The following ROCK1 variants were observed in gnomAD, a reference collection of about 807,000 sequenced individuals.
The protein encoded by ROCK1 is Rho associated coiled-coil containing protein kinase 1.
Under a neutral mutation model 196.8 loss-of-function variants are expected in ROCK1, and 36 were observed. The ratio of observed to expected loss-of-function variants is 0.18; its 90% CI spans 0.14 to 0.24. The LOEUF is 0.24. Among genes scored for constraint, ROCK1 ranks in the 10% least tolerant of loss-of-function variants. The probability of loss-of-function intolerance (pLI) is 1.00; values close to 1 mark genes in which losing one functional copy is unlikely to be tolerated. For synonymous variants in ROCK1, 443 were observed against 515.9 expected, an observed-to-expected ratio of 0.86 and a Z score of 1.91; for missense variants, 920 against 1,562.0, an observed-to-expected ratio of 0.59 and a Z score of 6.93.
intron 1 of ROCK1, among the ~76,000 whole-genome samples, chr18:21,080,624 G>C (rs2036475189): frequency 1.3e-5 from 2 of 151,952 alleles, no homozygotes; most frequent in African/African-American, 4.8e-5. Context: ...CAAGTCCAAA[G>C]ACAAATGGTT....
At position 20,969,194 on chromosome 18, in the gene ROCK1, G is replaced by A; in HGVS notation, c.2835C>T (p.Asn945=). 6.2e-7 allele frequency: 1 copy of A among 1,600,790 alleles called. No individual in the cohort carries two copies. Among genetic ancestry groups the A allele is most frequent in the Non-Finnish European group, 8.5e-7 (1 of 1,176,440 alleles). The change falls in exon 24 of 33, where the codon AAC becomes AAT. Residue 945 remains asparagine (N), a synonymous_variant. Transcript: ENST00000399799. ...TTTCAATATCTTTGGTTAGCATGCT[G>A]TTTGCTTCTTCAAGCTAAACAAAGC... ...DHTVSRLEEA[N]SMLTKDIEIL... is the part of the protein sequence containing the mutation.
intron 10 of ROCK1, among the ~76,000 whole-genome samples, chr18:21,026,659 G>T (rs1357291586): frequency 2.0e-5 from 3 of 151,950 alleles, no homozygotes; most frequent in African/African-American, 7.3e-5. Context: ...CAAAAAGCCG[G>T]ACTAAATTGT....
intron 2 of ROCK1, among the ~76,000 whole-genome samples, chr18:21,053,810 C>T (rs2036224426): frequency 6.6e-6 from 1 of 152,080 alleles, no homozygotes; most frequent in South Asian, 2.1e-4. Context: ...GCACTCCTGC[C>T]TGTGTGACAG....
chr18:21,047,591 A>C (rs1427735904), intron 4 of ROCK1, among the ~76,000 whole-genome samples: 1 of 152,144 alleles, frequency 6.6e-6, no homozygotes, highest in Non-Finnish European at 1.5e-5. Flanking sequence ...CAGGAGATCG[A>C]GACCATGCTG....
chr18:21,057,476 A>T (rs1292543484), intron 2 of ROCK1, among the ~76,000 whole-genome samples: 1 of 152,176 alleles, frequency 6.6e-6, no homozygotes, highest in Non-Finnish European at 1.5e-5. Flanking sequence ...ATCATATATA[A>T]ACTCTTCAAT....
intron 1 of ROCK1, among the ~76,000 whole-genome samples, chr18:21,072,457 TGCAG>T (rs1281411239): frequency 6.6e-6 from 1 of 152,202 alleles, no homozygotes; most frequent in African/African-American, 2.4e-5. Context: ...TCCATTTTAA[TGCAG>T]TGGAAAAGCT....
intron 22 of ROCK1, among the ~76,000 whole-genome samples, chr18:20,979,686 T>G (rs1365230539): frequency 6.6e-6 from 1 of 152,154 alleles, no homozygotes; most frequent in Non-Finnish European, 1.5e-5. Context: ...AACCAACTTT[T>G]TGTCAGTTTA....
At chr18:21,048,120 A>T (rs2036176429) in intron 4 of ROCK1, among the ~76,000 whole-genome samples, 1 of 152,136 alleles carries the variant, frequency 6.6e-6, no homozygotes, top group South Asian at 2.1e-4. Context: ...GAACATAACC[A>T]ATCAAAGACA....
chr18:20,956,546 A>T (rs1257742615), intron 29 of ROCK1, among the ~76,000 whole-genome samples: 1 of 152,232 alleles, frequency 6.6e-6, no homozygotes, highest in Non-Finnish European at 1.5e-5. Context: ...TTAAGTGCAA[A>T]GCAAGATTAA....
intron 16 of ROCK1, among the ~76,000 whole-genome samples, chr18:20,994,830 A>C (rs1305438954): frequency 6.6e-6 from 1 of 152,238 alleles, no homozygotes; most frequent in African/African-American, 2.4e-5. Context: ...ACACGAAAGC[A>C]AAGAAGCTTT....
chr18:21,031,856 TTCAACAGCAGATC>T (rs1658611196), intron 9 of ROCK1, among the ~76,000 whole-genome samples: 1 of 151,998 alleles, frequency 6.6e-6, no homozygotes, highest in Non-Finnish European at 1.5e-5. Flanking sequence ...ACTAGAAGGC[TTCAACAGCAGATC>T]TGAACAGGCA....
chr18:21,086,111 ATTTT>A (rs34919797), intron 1 of ROCK1, among the ~76,000 whole-genome samples: 3 of 111,140 alleles, frequency 2.7e-5, no homozygotes, highest in African/African-American at 3.4e-5. Context: ...TATGGAAATA[ATTTT>A]TTTTTTTTTT....
chr18:20,984,396 A>G lies in ROCK1; in HGVS notation c.2444T>C (p.Leu815Ser), dbSNP rs1314891714. ...AAATTCTAATAATCTCTTTGCTTCC[A>G]ATAAAGTATTTATTTCCTGTTTCAT... ...KQMKQEINTLLEAKRLLEFEL... is the reference protein window; with the variant it reads ...KQMKQEINTLSEAKRLLEFEL... Residue 815 changes from leucine to serine, a missense_variant, in exon 20 of 33, where the codon TTG (leucine) becomes TCG (serine). Leu to Ser is a moderately radical substitution (Grantham distance 145). Around this residue, in one of 6 missense-constraint regions of ROCK1, gnomAD observed 520 missense variants for 657.1 expected, o/e 0.79. Coordinates refer to ENST00000399799, the MANE Select transcript of ROCK1 (RefSeq NM_005406.3). The G allele has an allele frequency of 1.2e-6, 2 of 1,611,354 alleles. No individual in the cohort carries two copies. The highest frequency in any genetic ancestry group is 1.7e-6 in the Non-Finnish European group (2 of 1,179,028).
At chr18:20,980,635 G>A (rs1382120326) in intron 21 of ROCK1, among the ~76,000 whole-genome samples, 3 of 152,204 alleles carry the variant, frequency 2.0e-5, no homozygotes, top group African/African-American at 7.2e-5. Context: ...ATAGCTTAAT[G>A]GCCAGGTGCG....
chr18:21,003,877 A>C lies in ROCK1; in HGVS notation c.1885+2474T>G, dbSNP rs187165456. 2.6e-5 allele frequency among the ~76,000 whole-genome samples: 4 copies of C among 152,280 alleles called. No individual in the cohort carries two copies. The East Asian group carries it at 5.8e-4, about 22-fold the overall frequency. ...TCTCACAAACCACCCAAAATCCAAAATCTGAAGCACTTCTGGTTCCAAGCA... is the reference window on the plus strand; with the variant it reads ...TCTCACAAACCACCCAAAATCCAAACTCTGAAGCACTTCTGGTTCCAAGCA... On this transcript the variant is annotated intron_variant, in intron 16 of 32. Coordinates refer to ENST00000399799, the MANE Select transcript of ROCK1 (RefSeq NM_005406.3).
At chr18:20,965,483 G>C (rs1450657751) in intron 27 of ROCK1, among the ~76,000 whole-genome samples, 1 of 151,698 alleles carries the variant, frequency 6.6e-6, no homozygotes, top group East Asian at 1.9e-4. Flanking sequence ...TACATACATA[G>C]AGTAAGAATC....
chr18:21,052,994 C>T (rs1344427319), intron 2 of ROCK1, among the ~76,000 whole-genome samples: 2 of 152,222 alleles, frequency 1.3e-5, no homozygotes, highest in Admixed American at 1.3e-4. Context: ...ACTATATACA[C>T]AGGCTAATTC....
intron 19 of ROCK1, among the ~76,000 whole-genome samples, chr18:20,985,405 C>T (rs1418244177): frequency 1.3e-5 from 2 of 152,140 alleles, no homozygotes; most frequent in Non-Finnish European, 2.9e-5. Flanking sequence ...CCTCACATTT[C>T]TTGTACGCAC....
chr18:20,970,618 T>A, intron 22 of ROCK1, 105 bp from the exon 23 acceptor site: 1 of 731,364 alleles, frequency 1.4e-6, no homozygotes, highest in Non-Finnish European at 2.1e-6. Context: ...TAAAAAGAAT[T>A]ATTTTATTGC....
Sources: allele counts gnomAD v4.1 joint callset (sites outside exome capture counted in the v4.1 genomes callset), GRCh38; gene constraint gnomAD v4.1.1; regional missense constraint gnomAD v4.1.1; transcripts MANE v1.5; gene names NCBI Gene and HGNC (gene_info 2026-07-23, HGNC 2026-07-21).